Variants in HS3ST4 observed in about 807,000 individuals in gnomAD.
The protein encoded by HS3ST4 is heparan sulfate-glucosamine 3-sulfotransferase 4.
In HS3ST4, 17 loss-of-function variants were observed where a neutral mutation model predicts 29.2. That is an observed-to-expected ratio of 0.58 (90% confidence interval 0.40 to 0.87). HS3ST4 has a LOEUF of 0.87. Among genes scored for constraint, HS3ST4 ranks in the 40% least tolerant of loss-of-function variants. The pLI is 0.00. For missense variants in HS3ST4, 627 were observed against 634.5 expected, an observed-to-expected ratio of 0.99 and a Z score of 0.13; for synonymous variants, 314 against 285.7, an observed-to-expected ratio of 1.10 and a Z score of -1.00.
chr16:25,858,671 T>C (rs1007593363), intron 1 of HS3ST4, among the ~76,000 whole-genome samples: 6 of 152,184 alleles, frequency 3.9e-5, no homozygotes, highest in African/African-American at 1.4e-4. Context: ...TTTCCAATAT[T>C]TTCAATGGTT....
intron 1 of HS3ST4, among the ~76,000 whole-genome samples, chr16:25,870,835 G>A (rs899715910): frequency 6.6e-6 from 1 of 151,492 alleles, no homozygotes; most frequent in African/African-American, 2.4e-5. Context: ...GGTGTAGGTG[G>A]GAAGGAGTGC....
At chr16:26,104,109 G>C (rs1011978413) in intron 1 of HS3ST4, among the ~76,000 whole-genome samples, 1 of 152,204 alleles carries the variant, frequency 6.6e-6, no homozygotes, top group Non-Finnish European at 1.5e-5. Context: ...TAGGTGAGTT[G>C]CTGGTTAAGA....
chr16:26,048,821 A>G (rs576453259), intron 1 of HS3ST4, among the ~76,000 whole-genome samples: 3 of 152,304 alleles, frequency 2.0e-5, no homozygotes, highest in South Asian at 2.1e-4. Flanking sequence ...TGACAGAGCG[A>G]GACCCTGTCT....
intron 1 of HS3ST4, among the ~76,000 whole-genome samples, chr16:25,991,377 G>A (rs1403233100): frequency 6.6e-6 from 1 of 152,050 alleles, no homozygotes; most frequent in Non-Finnish European, 1.5e-5. Flanking sequence ...TTATTTCTGT[G>A]TTGACACCTA....
intron 1 of HS3ST4, among the ~76,000 whole-genome samples, chr16:25,852,651 A>G (rs1160248356): frequency 1.3e-5 from 2 of 151,960 alleles, no homozygotes; most frequent in South Asian, 2.1e-4. Context: ...TATAGGATGG[A>G]AAAAATTTCT....
intron 1 of HS3ST4, among the ~76,000 whole-genome samples, chr16:25,773,211 C>T (rs1222382816): frequency 6.6e-6 from 1 of 152,198 alleles, no homozygotes; most frequent in Non-Finnish European, 1.5e-5. Flanking sequence ...GATCTCTGCA[C>T]AGCATTCTCA....
chr16:25,988,368 C>G (rs765108838), intron 1 of HS3ST4, among the ~76,000 whole-genome samples: 28 of 152,192 alleles, frequency 1.8e-4, no homozygotes, highest in African/African-American at 5.8e-4. Context: ...ATGCCCTCCC[C>G]CAAGCTGAGG....
chr16:25,936,290 TAGA>T (rs548413821), intron 1 of HS3ST4, among the ~76,000 whole-genome samples: 110 of 152,316 alleles, frequency 7.2e-4, no homozygotes, highest in Admixed American at 1.9e-3. Context: ...GGTGGGGACC[TAGA>T]AGGCTCACTA....
At chr16:25,907,933 A>G (rs577173782) in intron 1 of HS3ST4, among the ~76,000 whole-genome samples, 1 of 152,146 alleles carries the variant, frequency 6.6e-6, no homozygotes, top group East Asian at 1.9e-4. Context: ...TTCTCTCTTT[A>G]TTTCTTTATT....
intron 1 of HS3ST4, among the ~76,000 whole-genome samples, chr16:26,084,553 G>T (rs188618071): frequency 1.3e-5 from 2 of 152,154 alleles, no homozygotes; most frequent in Admixed American, 1.3e-4. Flanking sequence ...GTGATCATGC[G>T]TCTATCACCA....
chr16:25,716,795 T>C (rs1300994219), intron 1 of HS3ST4, among the ~76,000 whole-genome samples: 1 of 152,232 alleles, frequency 6.6e-6, no homozygotes, highest in African/African-American at 2.4e-5. Context: ...GGCTCACGCC[T>C]GTAATCCTAG....
At chr16:25,884,521 CT>C (rs1300543597) in intron 1 of HS3ST4, among the ~76,000 whole-genome samples, 1 of 152,154 alleles carries the variant, frequency 6.6e-6, no homozygotes, top group Non-Finnish European at 1.5e-5. Flanking sequence ...TCTGTCTCCC[CT>C]TTGTAGCATC....
intron 1 of HS3ST4, among the ~76,000 whole-genome samples, chr16:26,056,094 T>A (rs1469014111): frequency 6.6e-6 from 1 of 150,966 alleles, no homozygotes; most frequent in Non-Finnish European, 1.5e-5. Context: ...TGCATTAAGA[T>A]TCATTGTTTT....
At chr16:26,032,938 T>A in intron 1 of HS3ST4, 1 of 752,500 alleles carries the variant, frequency 1.3e-6, no homozygotes, top group Non-Finnish European at 2.3e-6. Flanking sequence ...GTTTTAAGAC[T>A]GATTTAGATT....
At chr16:26,072,227 A>G (rs1195436457) in intron 1 of HS3ST4, among the ~76,000 whole-genome samples, 1 of 152,146 alleles carries the variant, frequency 6.6e-6, no homozygotes, top group Non-Finnish European at 1.5e-5. Flanking sequence ...AAAACATTTG[A>G]ATGAACTATT....
intron 1 of HS3ST4, among the ~76,000 whole-genome samples, chr16:26,130,242 T>C (rs1899399954): frequency 6.6e-6 from 1 of 152,222 alleles, no homozygotes; most frequent in South Asian, 2.1e-4. Flanking sequence ...GTTAACGAGC[T>C]GTGCCAAGCC....
At position 25,788,540 on chromosome 16, in the gene HS3ST4, C is replaced by CTTT. The variant is rs34729954; in HGVS notation, c.734+95390_734+95392dup. Among the ~76,000 whole-genome samples the CTTT allele has an allele frequency of 5.6e-3, 559 of 98,938 alleles. 74 individuals carry two copies. Among genetic ancestry groups the CTTT allele is most frequent in the Middle Eastern group, 0.016 (3 of 182 alleles). 64.9% of individuals were successfully genotyped at this position (98,938 alleles called of 152,430 possible). ...TTCCTACATTTTTTTTTCTTTTCTT[C>CTTT]TTTCTTTTTTTTTTTTTTTTGACAG... On this transcript the variant is annotated intron_variant, in intron 1 of 1. Coordinates refer to ENST00000331351, the MANE Select transcript of HS3ST4 (RefSeq NM_006040.3).
chr16:25,873,653 C>A (rs569404922), intron 1 of HS3ST4, among the ~76,000 whole-genome samples: 1 of 58,732 alleles, frequency 1.7e-5, no homozygotes, highest in African/African-American at 6.2e-5. Context: ...TCCATCCATC[C>A]GTCCGTCCAT....
chr16:25,814,792 G>A (rs1301459245), intron 1 of HS3ST4, among the ~76,000 whole-genome samples: 2 of 152,362 alleles, frequency 1.3e-5, no homozygotes, highest in Admixed American at 1.3e-4. Flanking sequence ...TCTGCTGTAT[G>A]GTTGTGGAGT....
Sources: allele counts gnomAD v4.1 joint callset (sites outside exome capture counted in the v4.1 genomes callset), GRCh38; gene constraint gnomAD v4.1.1; transcripts MANE v1.5; gene names NCBI Gene and HGNC (gene_info 2026-07-23, HGNC 2026-07-21).